Variants in GRIK4 observed in about 807,000 individuals in gnomAD.
GRIK4 encodes the protein glutamate receptor ionotropic, kainate 4.
In GRIK4, 40 loss-of-function variants were observed where a neutral mutation model predicts 104.9. The ratio of observed to expected loss-of-function variants is 0.38; its 90% CI spans 0.30 to 0.50. GRIK4 has a LOEUF of 0.50. GRIK4 is among the 20% of genes least tolerant of loss of function. GRIK4 has a pLI of 0.93. For missense variants in GRIK4, 1,047 were observed against 1,308.1 expected, an observed-to-expected ratio of 0.80 and a Z score of 3.08; for synonymous variants, 485 against 524.9, an observed-to-expected ratio of 0.92 and a Z score of 1.04.
intron 1 of GRIK4, among the ~76,000 whole-genome samples, chr11:120,598,272 G>A (rs1040763617): frequency 1.3e-5 from 2 of 152,116 alleles, no homozygotes; most frequent in Non-Finnish European, 2.9e-5. Context: ...GTTATGAAAC[G>A]GCTTGCTGTG....
At chr11:120,615,151 G>T (rs1253211684) in intron 1 of GRIK4, among the ~76,000 whole-genome samples, 1 of 152,196 alleles carries the variant, frequency 6.6e-6, no homozygotes, top group African/African-American at 2.4e-5. Context: ...TGAAGCAGGT[G>T]TTGTTATTCT....
At chr11:120,713,292 C>T (rs1381541028) in intron 3 of GRIK4, among the ~76,000 whole-genome samples, 2 of 152,146 alleles carry the variant, frequency 1.3e-5, no homozygotes, top group African/African-American at 2.4e-5. Context: ...TGGATTCGGC[C>T]ACCTGACATG....
rs531519152 is a variant in GRIK4, at chr11:120,988,084, A to T, written c.*1824A>T. On this transcript the variant is annotated 3_prime_UTR_variant, in exon 21 of 21. Coordinates refer to ENST00000527524, the MANE Select transcript of GRIK4 (RefSeq NM_014619.5). ...GCATCCTCTTTATGCCAGGACAATC[A>T]GTTAGGGCTGCCGTCCTGGGGGCCA... 30 of 152,382 alleles carry T rather than the reference A, an allele frequency of 2.0e-4. No individual in the cohort carries two copies. Among genetic ancestry groups the T allele is most frequent in the African/African-American group, 6.5e-4 (27 of 41,582 alleles). The allele number at this position is 152,382 out of a possible 1,614,324, so 9.4% of individuals were successfully genotyped here.
intron 3 of GRIK4, among the ~76,000 whole-genome samples, chr11:120,777,280 G>T (rs1181335800): frequency 6.6e-6 from 1 of 152,116 alleles, no homozygotes. Flanking sequence ...AAACAGTTTG[G>T]TGTCATTTCT....
At chr11:120,616,752 G>T (rs1403972346) in intron 1 of GRIK4, among the ~76,000 whole-genome samples, 1 of 152,164 alleles carries the variant, frequency 6.6e-6, no homozygotes, top group East Asian at 1.9e-4. Context: ...TATGGGAGTG[G>T]GCTGCTCAGA....
intron 3 of GRIK4, among the ~76,000 whole-genome samples, chr11:120,797,240 C>T (rs1952537549): frequency 6.6e-6 from 1 of 152,192 alleles, no homozygotes; most frequent in Admixed American, 6.5e-5. Context: ...CTCCCAGCCT[C>T]ACTGTGGCTC....
chr11:120,872,188 C>A lies in GRIK4; in HGVS notation c.907-1878C>A. The A allele has an allele frequency of 6.4e-6, 2 of 313,792 alleles. 1 individual carries two copies. Among genetic ancestry groups the A allele is most frequent in the South Asian group, 5.9e-5 (2 of 33,984 alleles). 19.4% of individuals were successfully genotyped at this position (313,792 alleles called of 1,614,324 possible). The stretch of plus-strand genomic sequence containing the variant: ...AGAGCACTTTTACAGACTTGTGAGG[C>A]AGGGACTGCTGCTTCTCTTTTACAG... On this transcript the variant is annotated intron_variant, in intron 9 of 20. Transcript: ENST00000527524.
At position 120,538,229 on chromosome 11, in the gene GRIK4, G is replaced by T. The variant is rs185566317; in HGVS notation, c.-159+26342G>T. ...AGGCTGCTTTCCAAGACAGGGCCGC[G>T]CATCACTTGGGCGTCAGGGCAGTGG... On this transcript the variant is annotated intron_variant, in intron 1 of 20. Coordinates refer to ENST00000527524, the MANE Select transcript of GRIK4 (RefSeq NM_014619.5). Among the ~76,000 whole-genome samples, 115 of 152,326 alleles carry T rather than the reference G, an allele frequency of 7.5e-4. 2 individuals carry two copies. In the South Asian group the frequency reaches 0.021, roughly 28 times the overall value.
At chr11:120,735,916 A>C (rs1210939759) in intron 3 of GRIK4, among the ~76,000 whole-genome samples, 1 of 152,140 alleles carries the variant, frequency 6.6e-6, no homozygotes, top group African/African-American at 2.4e-5. Flanking sequence ...GGTCTGGGAC[A>C]CAATCCTAGG....
chr11:120,796,418 T>C (rs1952517297), intron 3 of GRIK4, among the ~76,000 whole-genome samples: 1 of 152,166 alleles, frequency 6.6e-6, no homozygotes. Flanking sequence ...ATACAAGCAG[T>C]TGAGGGAACT....
intron 12 of GRIK4, among the ~76,000 whole-genome samples, chr11:120,899,205 C>T (rs1219443507): frequency 3.9e-5 from 6 of 151,902 alleles, no homozygotes; most frequent in Non-Finnish European, 7.4e-5. Flanking sequence ...TCACTTGAGG[C>T]CAGGAGTTTG....
At chr11:120,592,110 A>G (rs532872118) in intron 1 of GRIK4, among the ~76,000 whole-genome samples, 45 of 152,294 alleles carry the variant, frequency 3.0e-4, no homozygotes, top group African/African-American at 1.1e-3. Flanking sequence ...ACAGAAAAAG[A>G]TTTGCTGCTG....
At chr11:120,616,169 T>C (rs967372225) in intron 1 of GRIK4, among the ~76,000 whole-genome samples, 5 of 151,974 alleles carry the variant, frequency 3.3e-5, no homozygotes, top group Non-Finnish European at 7.4e-5. Flanking sequence ...AGGGAAGAAC[T>C]TGGGAATTGG....
At chr11:120,697,234 G>C (rs1260331424) in intron 3 of GRIK4, among the ~76,000 whole-genome samples, 1 of 152,198 alleles carries the variant, frequency 6.6e-6, no homozygotes, top group Non-Finnish European at 1.5e-5. Context: ...TGATTCAGGG[G>C]AACAGTGGCA....
intron 13 of GRIK4, among the ~76,000 whole-genome samples, chr11:120,926,894 C>T (rs543604978): frequency 3.9e-5 from 6 of 152,230 alleles, no homozygotes; most frequent in East Asian, 3.9e-4. Context: ...GAAAATAAAG[C>T]AGTATAATGA....
At chr11:120,861,864 C>A in intron 8 of GRIK4, 95 bp from the exon 9 acceptor site, 1 of 933,260 alleles carries the variant, frequency 1.1e-6, no homozygotes. Flanking sequence ...GTTCACTGGA[C>A]TAGAATGTGG....
chr11:120,656,937 G>C lies in GRIK4; in HGVS notation c.-51+3145G>C, dbSNP rs149950615. On this transcript the variant is annotated intron_variant, in intron 2 of 20. Coordinates refer to ENST00000527524, the MANE Select transcript of GRIK4 (RefSeq NM_014619.5). ...AGTTCCTCAGGCCTGCACGAACTGC[G>C]TGTAGTTCTGTCATCAAATAAAATT... Among the ~76,000 whole-genome samples, 85 of 152,300 alleles carry C rather than the reference G, an allele frequency of 5.6e-4. 1 individual carries two copies. The East Asian group carries it at 0.014, about 25-fold the overall frequency.
At chr11:120,528,129 A>AT (rs1947879871) in intron 1 of GRIK4, among the ~76,000 whole-genome samples, 1 of 152,128 alleles carries the variant, frequency 6.6e-6, no homozygotes, top group East Asian at 1.9e-4. Flanking sequence ...ATGCTCAGCT[A>AT]TTTTTTATTT....
intron 3 of GRIK4, among the ~76,000 whole-genome samples, chr11:120,722,483 C>T (rs192024048): frequency 2.0e-5 from 3 of 152,226 alleles, no homozygotes; most frequent in East Asian, 3.9e-4. Context: ...TGGAGCATGC[C>T]TGTAATCCCA....
Sources: allele counts gnomAD v4.1 joint callset (sites outside exome capture counted in the v4.1 genomes callset), GRCh38; gene constraint gnomAD v4.1.1; transcripts MANE v1.5; gene names NCBI Gene and HGNC (gene_info 2026-07-23, HGNC 2026-07-21).